Variants in PATJ observed in about 807,000 individuals in gnomAD.
PATJ encodes inaD-like protein.
In PATJ, 190 loss-of-function variants were observed where a neutral mutation model predicts 224.9. The ratio of observed to expected loss-of-function variants is 0.84; its 90% CI spans 0.75 to 0.95. PATJ has a LOEUF of 0.95. PATJ is among the 40% of genes least tolerant of loss of function. The pLI is 0.00. For missense variants in PATJ, 2,121 were observed against 2,270.3 expected (o/e 0.93, Z 1.34); for synonymous variants, 769 against 820.3 (o/e 0.94, Z 1.07).
chr1:61,869,752 C>T (rs570900810), intron 20 of PATJ, among the ~76,000 whole-genome samples: 1 of 152,324 alleles, frequency 6.6e-6, no homozygotes, highest in East Asian at 1.9e-4. Flanking sequence ...GAGTACATGC[C>T]TGCTGGAACC....
At chr1:61,839,344 CA>C (rs1341298460) in intron 17 of PATJ, among the ~76,000 whole-genome samples, 1 of 151,748 alleles carries the variant, frequency 6.6e-6, no homozygotes, top group African/African-American at 2.4e-5. Flanking sequence ...GAAAGTTTAG[CA>C]GGTATTAAAA....
chr1:61,892,517 G>A (rs550834979), intron 22 of PATJ, among the ~76,000 whole-genome samples: 9 of 152,048 alleles, frequency 5.9e-5, no homozygotes, highest in African/African-American at 1.9e-4. Flanking sequence ...CCCCAAATCT[G>A]TAAAGAATTA....
At chr1:61,871,073 TTTTTTG>T (rs1666270175) in intron 20 of PATJ, among the ~76,000 whole-genome samples, 1 of 150,014 alleles carries the variant, frequency 6.7e-6, no homozygotes, top group African/African-American at 2.4e-5. Flanking sequence ...GGTTTTTGTT[TTTTTTG>T]TTTTTTTTTT....
At chr1:61,900,824 C>T (rs1671055830) in intron 23 of PATJ, among the ~76,000 whole-genome samples, 1 of 152,030 alleles carries the variant, frequency 6.6e-6, no homozygotes. Flanking sequence ...CTCCTGACCT[C>T]GTGATCTGCC....
At chr1:61,925,483 A>C (rs1232043673) in intron 26 of PATJ, among the ~76,000 whole-genome samples, 1 of 152,192 alleles carries the variant, frequency 6.6e-6, no homozygotes, top group African/African-American at 2.4e-5. Context: ...ATCAGAAACA[A>C]AATCATAGAA....
intron 20 of PATJ, among the ~76,000 whole-genome samples, chr1:61,866,124 C>T (rs1325579618): frequency 1.3e-5 from 2 of 152,168 alleles, no homozygotes; most frequent in South Asian, 4.2e-4. Context: ...ATTTGCCAGT[C>T]CCTCTCATAT....
chr1:62,084,450 A>G, intron 32 of PATJ, 65 bp from the exon 33 acceptor site: 2 of 1,535,284 alleles, frequency 1.3e-6, no homozygotes, highest in Non-Finnish European at 1.8e-6. Context: ...TCCCCACGTG[A>G]TGGAACGTGC....
rs773154373 is a variant in PATJ at position 62,116,584 on chromosome 1, C to T, written c.4708C>T (p.Leu1570=). Residue 1570 remains leucine, a synonymous_variant, in exon 36 of 44, where the codon CTG becomes TTG. Coordinates refer to ENST00000642238, the MANE Select transcript of PATJ (RefSeq NM_001350145.3). ...SDIVKGGAAD[L]DGRLIQGDQI... The stretch of plus-strand genomic sequence containing the variant: ...CATCGTGAAAGGCGGAGCCGCAGAC[C>T]TGGATGGGAGATTGATTCAGGGAGA... 1.9e-6 allele frequency: 3 copies of T among 1,614,000 alleles called. No individual in the cohort carries two copies. The highest frequency in any genetic ancestry group is 2.5e-6 in the Non-Finnish European group (3 of 1,179,968).
chr1:61,962,155 T>C (rs145578210), intron 27 of PATJ, among the ~76,000 whole-genome samples: 106 of 152,222 alleles, frequency 7.0e-4, no homozygotes, highest in Middle Eastern at 3.4e-3. Flanking sequence ...CATTTTTACT[T>C]CCACAGCCTA....
intron 43 of PATJ, among the ~76,000 whole-genome samples, chr1:62,155,755 T>C (rs1669122661): frequency 6.7e-6 from 1 of 149,638 alleles, no homozygotes; most frequent in Non-Finnish European, 1.5e-5. Flanking sequence ...GCGCAGTCAG[T>C]CTTACTAAAA....
intron 31 of PATJ, among the ~76,000 whole-genome samples, chr1:62,058,655 G>A (rs1463896710): frequency 6.6e-6 from 1 of 152,212 alleles, no homozygotes; most frequent in Non-Finnish European, 1.5e-5. Flanking sequence ...CACGTGGCAT[G>A]CAGTAAGAGC....
intron 7 of PATJ, among the ~76,000 whole-genome samples, chr1:61,781,881 G>A (rs61770115): frequency 0.11 from 16,866 of 152,238 alleles, 1,231 homozygotes; most frequent in Middle Eastern, 0.26. Context: ...AAGCTTCCAC[G>A]AGTCCGCTCC....
intron 3 of PATJ, among the ~76,000 whole-genome samples, chr1:61,765,090 T>TTTTTTTTC (rs1646192763): frequency 7.9e-6 from 1 of 126,596 alleles, no homozygotes; most frequent in Non-Finnish European, 1.6e-5. Context: ...TTTTTTTTTT[T>TTTTTTTTC]TTTTTTTTTG....
chr1:61,857,735 T>C (rs192496043), intron 18 of PATJ, among the ~76,000 whole-genome samples: 269 of 152,368 alleles, frequency 1.8e-3, no homozygotes, highest in Non-Finnish European at 2.9e-3. Context: ...GTAATTCTGA[T>C]ATGCTCTTCA....
chr1:61,806,416 G>A (rs1241579600), intron 13 of PATJ, among the ~76,000 whole-genome samples: 14 of 151,778 alleles, frequency 9.2e-5, no homozygotes, highest in South Asian at 4.2e-4. Context: ...TCAGGAGATC[G>A]AGACCATCCT....
At chr1:62,057,517 G>C (rs1340604341) in intron 31 of PATJ, among the ~76,000 whole-genome samples, 1 of 152,214 alleles carries the variant, frequency 6.6e-6, no homozygotes, top group Admixed American at 6.5e-5. Flanking sequence ...AGCGGACGCT[G>C]ATGCCCTGGT....
Position 62,052,756 on chromosome 1 carries a change from A to G in PATJ, c.4125+1698A>G, listed in dbSNP as rs545176214. On this transcript the variant is annotated intron_variant, in intron 31 of 43. Transcript: ENST00000642238. ...GTGAACCTCCGTCTCAAAAAAAAAA[A>G]AGAAAAAAGAATAATGGCAGTAAAA... Among the ~76,000 whole-genome samples the G allele has an allele frequency of 7.9e-5, 12 of 152,246 alleles. 1 individual carries two copies. In the South Asian group the frequency reaches 1.0e-3, roughly 13 times the overall value.
In PATJ at chr1:61,947,713, A is replaced by C. The variant is rs549863547; in HGVS notation, c.3670+19884A>C. ...TTTCTTCACAGAATTGGAAAAAACT[A>C]CTTTAAAGTTCATATGGAACCAAAA... On this transcript the variant is annotated intron_variant, in intron 27 of 43. Coordinates refer to ENST00000642238, the MANE Select transcript of PATJ (RefSeq NM_001350145.3). Among the ~76,000 whole-genome samples the C allele has an allele frequency of 1.1e-4, 17 of 152,312 alleles. No homozygotes were observed. In the South Asian group the frequency reaches 3.5e-3, roughly 32 times the overall value.
At chr1:62,136,648 CGT>C (rs1297199171) in intron 41 of PATJ, among the ~76,000 whole-genome samples, 38 of 71,282 alleles carry the variant, frequency 5.3e-4, no homozygotes, top group South Asian at 1.7e-3. Context: ...TTATGTTTTG[CGT>C]GTGTGTGTGT....
Sources: gnomAD v4.1 joint callset for allele counts (sites outside exome capture counted in the v4.1 genomes callset) on GRCh38, gnomAD v4.1.1 for gene constraint, MANE v1.5 for transcripts, NCBI Gene and HGNC (gene_info 2026-07-23, HGNC 2026-07-21) for gene names.